The following AGBL4 variants were observed in gnomAD, a reference collection of about 807,000 sequenced individuals.
The protein encoded by AGBL4 is cytosolic carboxypeptidase 6.
AGBL4 carries 58 observed loss-of-function variants against 66.4 expected under a neutral mutation model. The ratio of observed to expected loss-of-function variants is 0.87; its 90% CI spans 0.71 to 1.09. AGBL4 has a LOEUF of 1.09. Among genes scored for constraint, AGBL4 ranks in the 50% least tolerant of loss-of-function variants. AGBL4 has a pLI of 0.00. For missense variants in AGBL4, 579 were observed against 631.0 expected (o/e 0.92, Z 0.88); for synonymous variants, 234 against 222.9 (o/e 1.05, Z -0.44).
chr1:48,723,281 A>G (rs1363224319), intron 6 of AGBL4, among the ~76,000 whole-genome samples: 1 of 152,214 alleles, frequency 6.6e-6, no homozygotes, highest in Non-Finnish European at 1.5e-5. Flanking sequence ...TTTTAGCTCA[A>G]TGGAATAATA....
At chr1:49,195,880 G>T (rs952008805) in intron 4 of AGBL4, among the ~76,000 whole-genome samples, 7 of 152,124 alleles carry the variant, frequency 4.6e-5, no homozygotes, top group Admixed American at 1.3e-4. Flanking sequence ...CTGGTAGGAG[G>T]TGATTAGATC....
chr1:48,972,264 G>A (rs903264609), intron 5 of AGBL4, among the ~76,000 whole-genome samples: 1 of 152,016 alleles, frequency 6.6e-6, no homozygotes, highest in African/African-American at 2.4e-5. Context: ...GTCAAGTTGG[G>A]GGATATGGAC....
intron 3 of AGBL4, among the ~76,000 whole-genome samples, chr1:49,543,279 C>T (rs953093763): frequency 1.3e-5 from 2 of 152,018 alleles, no homozygotes; most frequent in African/African-American, 4.8e-5. Flanking sequence ...GGGGATTAAC[C>T]TGGTGGGAAG....
chr1:48,613,731 C>T (rs1645275793), intron 9 of AGBL4, among the ~76,000 whole-genome samples: 1 of 152,158 alleles, frequency 6.6e-6, no homozygotes. Flanking sequence ...CAGCTGAGCA[C>T]AGCCAGCAGA....
chr1:48,570,711 C>A (rs1387093444), intron 11 of AGBL4, among the ~76,000 whole-genome samples: 1 of 152,170 alleles, frequency 6.6e-6, no homozygotes, highest in Non-Finnish European at 1.5e-5. Context: ...GCGCCTTCCT[C>A]ATGCTGTAAA....
chr1:49,581,733 G>T (rs975542363), intron 3 of AGBL4, among the ~76,000 whole-genome samples: 1 of 152,148 alleles, frequency 6.6e-6, no homozygotes, highest in Non-Finnish European at 1.5e-5. Context: ...GTGGTGATGA[G>T]CTATTCATGT....
At chr1:48,820,748 C>T (rs974977278) in intron 6 of AGBL4, among the ~76,000 whole-genome samples, 3 of 152,002 alleles carry the variant, frequency 2.0e-5, no homozygotes, top group Admixed American at 6.6e-5. Flanking sequence ...TAGAGCTATA[C>T]CATTAGGGGA....
intron 3 of AGBL4, chr1:49,527,685 C>T (rs1325694790): frequency 6.6e-6 from 1 of 152,146 alleles, no homozygotes; most frequent in East Asian, 1.9e-4. Flanking sequence ...ATCAAGCCAT[C>T]CCTTTGGGGA....
chr1:49,871,483 T>C (rs149710879), intron 1 of AGBL4, among the ~76,000 whole-genome samples: 187 of 152,222 alleles, frequency 1.2e-3, no homozygotes, highest in African/African-American at 4.3e-3. Context: ...TATTCTGTTA[T>C]ATCAAGTGTT....
intron 4 of AGBL4, among the ~76,000 whole-genome samples, chr1:49,197,039 G>A (rs1026272204): frequency 1.3e-5 from 2 of 152,076 alleles, no homozygotes; most frequent in African/African-American, 2.4e-5. Flanking sequence ...ATGTTTTCCA[G>A]TCTGGCCTCA....
chr1:49,118,293 C>T (rs950035783), intron 4 of AGBL4, among the ~76,000 whole-genome samples: 1 of 152,046 alleles, frequency 6.6e-6, no homozygotes, highest in Non-Finnish European at 1.5e-5. Context: ...TTGTCTTGTG[C>T]TGGTTTTCAA....
intron 6 of AGBL4, among the ~76,000 whole-genome samples, chr1:48,828,506 CT>C (rs536323096): frequency 1.1e-3 from 166 of 152,290 alleles, no homozygotes; most frequent in Admixed American, 2.4e-3. Flanking sequence ...TCCTGTTTGG[CT>C]TCTCAACTGG....
intron 2 of AGBL4, among the ~76,000 whole-genome samples, chr1:49,828,853 G>A (rs1312404936): frequency 3.3e-5 from 5 of 152,008 alleles, no homozygotes; most frequent in Admixed American, 1.3e-4. Flanking sequence ...GGCGGATCAC[G>A]AGGTCAGGAG....
At chr1:48,667,100 T>C (rs1646200713) in intron 6 of AGBL4, among the ~76,000 whole-genome samples, 1 of 152,230 alleles carries the variant, frequency 6.6e-6, no homozygotes, top group Non-Finnish European at 1.5e-5. Context: ...TCACCCTATA[T>C]GGTTTTTAAA....
intron 4 of AGBL4, among the ~76,000 whole-genome samples, chr1:49,153,232 T>C (rs931358456): frequency 6.6e-6 from 1 of 152,208 alleles, no homozygotes; most frequent in Admixed American, 6.5e-5. Context: ...TGATCTCCCA[T>C]GTGGATAAGG....
At chr1:49,058,643 C>G (rs192485771) in intron 4 of AGBL4, among the ~76,000 whole-genome samples, 6 of 152,254 alleles carry the variant, frequency 3.9e-5, no homozygotes, top group Admixed American at 2.0e-4. Context: ...AACTGGGTAA[C>G]AGGCAGAGGT....
At position 49,671,990 on chromosome 1, in the gene AGBL4, C is replaced by T. The variant is rs115690797; in HGVS notation, c.282+25323G>A. Among the ~76,000 whole-genome samples, 526 of 152,168 alleles carry T rather than the reference C, an allele frequency of 3.5e-3. 4 individuals are homozygous for T. Among genetic ancestry groups the T allele is most frequent in the Non-Finnish European group, 6.4e-3 (436 of 67,988 alleles). ...CCCAGAAATCCCATTACTGGGTACA[C>T]ACCCAGAGGAATATAAAGCATGCTA... On this transcript the variant is annotated intron_variant, in intron 3 of 13. Coordinates refer to ENST00000371839, the MANE Select transcript of AGBL4 (RefSeq NM_032785.4).
At chr1:49,528,648 C>T (rs1650855542) in intron 3 of AGBL4, among the ~76,000 whole-genome samples, 2 of 151,852 alleles carry the variant, frequency 1.3e-5, no homozygotes, top group South Asian at 2.1e-4. Context: ...GGAGCACAAA[C>T]GTTTAGGTGG....
intron 3 of AGBL4, among the ~76,000 whole-genome samples, chr1:49,465,210 TACACACACACACACACACACACAC>T (rs3054630): frequency 2.6e-4 from 30 of 116,836 alleles, no homozygotes; most frequent in South Asian, 9.1e-4. Flanking sequence ...TACCCCTACA[TACACACACACACACACACACACAC>T]ACACACACAC....
Sources: gnomAD v4.1 joint callset for allele counts (sites outside exome capture counted in the v4.1 genomes callset) on GRCh38, gnomAD v4.1.1 for gene constraint, MANE v1.5 for transcripts, NCBI Gene and HGNC (gene_info 2026-07-23, HGNC 2026-07-21) for gene names.